SGCZ: variants seen among roughly 807,000 people sequenced by gnomAD.
SGCZ encodes the protein sarcoglycan zeta, also known as zeta-sarcoglycan.
SGCZ carries 40 observed loss-of-function variants against 41.3 expected under a neutral mutation model. The ratio of observed to expected loss-of-function variants is 0.97; its 90% CI spans 0.75 to 1.26. The LOEUF (loss-of-function observed/expected upper bound fraction) is 1.26. Among genes scored for constraint, SGCZ ranks in the 50% most tolerant of loss-of-function variants. The probability of loss-of-function intolerance (pLI) is 0.00; values close to 1 mark genes in which losing one functional copy is unlikely to be tolerated. For synonymous variants in SGCZ, 206 were observed against 137.5 expected, an observed-to-expected ratio of 1.50 and a Z score of -3.49; for missense variants, 552 against 369.8, an observed-to-expected ratio of 1.49 and a Z score of -4.04.
intron 1 of SGCZ, among the ~76,000 whole-genome samples, chr8:14,643,970 TACAATTC>T (rs2117436510): frequency 1.0e-5 from 1 of 100,106 alleles, no homozygotes; most frequent in South Asian, 2.9e-4. Flanking sequence ...CCAATACTTG[TACAATTC>T]TGTACAATTC....
In SGCZ at chr8:14,343,645, T is replaced by C. The variant is rs556767042; in HGVS notation, c.235-19441A>G. On this transcript the variant is annotated intron_variant, in intron 2 of 7. Coordinates refer to ENST00000382080, the MANE Select transcript of SGCZ (RefSeq NM_139167.4). The stretch of plus-strand genomic sequence containing the variant: ...GAAGGGGTTCTAGTAAATATTGCAG[T>C]GTTCATTTCGGAGCCATAGAGGATT... Among the ~76,000 whole-genome samples the C allele has an allele frequency of 3.3e-5, 5 of 152,256 alleles. No homozygotes were observed. In the South Asian group the frequency reaches 1.0e-3, roughly 32 times the overall value.
At chr8:14,189,476 T>G (rs1352576337) in intron 4 of SGCZ, among the ~76,000 whole-genome samples, 1 of 152,174 alleles carries the variant, frequency 6.6e-6, no homozygotes, top group Non-Finnish European at 1.5e-5. Flanking sequence ...CTTTTGCCAT[T>G]TCTTAAACAC....
At chr8:14,583,929 T>C (rs1382747846) in intron 1 of SGCZ, among the ~76,000 whole-genome samples, 4 of 152,176 alleles carry the variant, frequency 2.6e-5, no homozygotes, top group Middle Eastern at 3.2e-3. Flanking sequence ...TTATGTATGA[T>C]GCCTTAAATT....
chr8:14,234,711 A>G (rs1806693726), intron 4 of SGCZ, among the ~76,000 whole-genome samples: 1 of 152,152 alleles, frequency 6.6e-6, no homozygotes, highest in Non-Finnish European at 1.5e-5. Context: ...TAGAACAGCT[A>G]CTTTATGTAT....
chr8:14,403,935 A>G (rs1799143915), intron 2 of SGCZ, among the ~76,000 whole-genome samples: 1 of 152,190 alleles, frequency 6.6e-6, no homozygotes, highest in African/African-American at 2.4e-5. Context: ...AAATATTTTT[A>G]TGGTAATTTG....
chr8:14,654,873 G>A (rs1456473251), intron 1 of SGCZ, among the ~76,000 whole-genome samples: 1 of 151,580 alleles, frequency 6.6e-6, no homozygotes, highest in South Asian at 2.1e-4. Flanking sequence ...CACTATATTG[G>A]TCAGGCTGGT....
intron 1 of SGCZ, among the ~76,000 whole-genome samples, chr8:14,837,490 A>T (rs970811131): frequency 2.0e-5 from 3 of 152,194 alleles, no homozygotes; most frequent in Admixed American, 2.0e-4. Context: ...TATAGGGACT[A>T]CATTTCCCAA....
chr8:14,207,416 A>G (rs1468676896), intron 4 of SGCZ, among the ~76,000 whole-genome samples: 1 of 152,198 alleles, frequency 6.6e-6, no homozygotes, highest in Non-Finnish European at 1.5e-5. Flanking sequence ...ATCTTATTGC[A>G]AACATATTGT....
chr8:15,124,574 A>C (rs977999222), intron 1 of SGCZ, among the ~76,000 whole-genome samples: 1 of 152,180 alleles, frequency 6.6e-6, no homozygotes, highest in Non-Finnish European at 1.5e-5. Flanking sequence ...AAAATACTGG[A>C]ATAGTCTATT....
chr8:14,439,200 CTT>C (rs1262184926), intron 2 of SGCZ, among the ~76,000 whole-genome samples: 2 of 151,516 alleles, frequency 1.3e-5, no homozygotes, highest in African/African-American at 2.4e-5. Flanking sequence ...AAAATACTGA[CTT>C]AGGATTTTTT....
intron 1 of SGCZ, among the ~76,000 whole-genome samples, chr8:14,690,164 C>A (rs1230974149): frequency 6.0e-5 from 9 of 149,206 alleles, no homozygotes; most frequent in Non-Finnish European, 1.3e-4. Flanking sequence ...TTATTTTGGG[C>A]CCGTGTTGTG....
intron 4 of SGCZ, among the ~76,000 whole-genome samples, chr8:14,177,232 C>A (rs1804570415): frequency 6.6e-6 from 1 of 151,906 alleles, no homozygotes; most frequent in Non-Finnish European, 1.5e-5. Context: ...CAAAAAGCTA[C>A]GATATTAACC....
intron 1 of SGCZ, among the ~76,000 whole-genome samples, chr8:14,727,955 T>C (rs1021093148): frequency 2.0e-5 from 3 of 152,162 alleles, no homozygotes; most frequent in Non-Finnish European, 2.9e-5. Flanking sequence ...GCAGCATAAG[T>C]GCACAGTAAA....
intron 2 of SGCZ, among the ~76,000 whole-genome samples, chr8:14,392,277 T>C (rs1026778135): frequency 6.6e-6 from 1 of 152,196 alleles, no homozygotes; most frequent in African/African-American, 2.4e-5. Flanking sequence ...GCTGAAATTT[T>C]TTCTCATATT....
intron 1 of SGCZ, among the ~76,000 whole-genome samples, chr8:14,974,252 T>A (rs77806235): frequency 0.076 from 11,558 of 152,280 alleles, 643 homozygotes; most frequent in African/African-American, 0.14. Context: ...TAATTTAAGT[T>A]CTTATGTAAA....
intron 1 of SGCZ, among the ~76,000 whole-genome samples, chr8:15,223,099 A>G (rs764310575): frequency 4.6e-5 from 7 of 152,112 alleles, no homozygotes; most frequent in Non-Finnish European, 1.0e-4. Context: ...TATTTTACCA[A>G]CCCTTAAAGC....
intron 1 of SGCZ, among the ~76,000 whole-genome samples, chr8:14,606,202 T>C (rs993633589): frequency 6.6e-6 from 1 of 152,154 alleles, no homozygotes; most frequent in African/African-American, 2.4e-5. Flanking sequence ...TATTGCCCCA[T>C]GACCTCCAAT....
intron 4 of SGCZ, among the ~76,000 whole-genome samples, chr8:14,207,635 T>C (rs1209232512): frequency 6.6e-6 from 1 of 152,186 alleles, no homozygotes; most frequent in Admixed American, 6.5e-5. Flanking sequence ...CTTCTGTTTA[T>C]GTAGTAGTGC....
intron 1 of SGCZ, among the ~76,000 whole-genome samples, chr8:14,612,778 C>T (rs1405990622): frequency 6.6e-6 from 1 of 152,104 alleles, no homozygotes; most frequent in Admixed American, 6.6e-5. Context: ...CCTCCACCTC[C>T]CAAGCTCAAA....
Sources: allele counts gnomAD v4.1 joint callset (sites outside exome capture counted in the v4.1 genomes callset), GRCh38; gene constraint gnomAD v4.1.1; transcripts MANE v1.5; gene names NCBI Gene and HGNC (gene_info 2026-07-23, HGNC 2026-07-21).